Variants in DYTN observed in about 807,000 individuals in gnomAD.
The protein encoded by DYTN is dystrotelin.
A neutral mutation model predicts 69.6 loss-of-function variants in DYTN; 75 were observed. The observed-to-expected ratio is 1.08, with a 90% CI of 0.89 to 1.31. DYTN has a LOEUF of 1.31. DYTN is among the 50% of genes most tolerant of loss of function. The probability of loss-of-function intolerance (pLI) is 0.00; values close to 1 mark genes in which losing one functional copy is unlikely to be tolerated. For synonymous variants in DYTN, 252 were observed against 249.1 expected, an observed-to-expected ratio of 1.01 and a Z score of -0.11; for missense variants, 726 against 688.4, an observed-to-expected ratio of 1.05 and a Z score of -0.61.
chr2:206,694,842 C>A lies in DYTN; in HGVS notation c.755G>T (p.Cys252Phe), dbSNP rs770233978. The A allele has an allele frequency of 3.7e-6, 6 of 1,607,766 alleles. No homozygotes were observed. The highest frequency in any genetic ancestry group is 4.2e-6 in the Non-Finnish European group (5 of 1,178,048). ...RCLKCLNFDI[C>F]QMCFLSGLHS... ...AAGACCAGATAAGAAACACATCTGG[C>A]AGATGTCAAAGTTGAGACACTTCAG... Residue 252 changes from cysteine to phenylalanine, a missense_variant, in exon 8 of 12, where the codon TGC (cysteine) becomes TTC (phenylalanine). Transcript: ENST00000452335.
chr2:206,686,091 T>C (rs1337549996), intron 9 of DYTN, among the ~76,000 whole-genome samples: 1 of 152,122 alleles, frequency 6.6e-6, no homozygotes, highest in Non-Finnish European at 1.5e-5. Context: ...CACAGACCCT[T>C]TGCTGTGGGG....
chr2:206,662,759 G>C, intron 11 of DYTN, 144 bp downstream of exon 11: 1 of 1,282,024 alleles, frequency 7.8e-7, no homozygotes, highest in Non-Finnish European at 1.1e-6. Flanking sequence ...ATCAAGTTCA[G>C]AGATGCTACT....
chr2:206,674,628 G>A (rs1473690120), intron 9 of DYTN, among the ~76,000 whole-genome samples: 1 of 152,074 alleles, frequency 6.6e-6, no homozygotes, highest in Non-Finnish European at 1.5e-5. Context: ...ATAAGATGGA[G>A]TGGGGAGATA....
intron 9 of DYTN, among the ~76,000 whole-genome samples, chr2:206,681,048 T>C (rs888314044): frequency 6.6e-6 from 1 of 152,216 alleles, no homozygotes; most frequent in African/African-American, 2.4e-5. Flanking sequence ...TCTTATTTCC[T>C]TGAGCAGTGG....
chr2:206,690,730 C>A (rs1455788683), intron 9 of DYTN, among the ~76,000 whole-genome samples: 4 of 152,152 alleles, frequency 2.6e-5, no homozygotes, highest in African/African-American at 9.7e-5. Context: ...CTTGATGGAG[C>A]TTTTAGCCAA....
At chr2:206,666,621 G>A (rs1228341038) in intron 9 of DYTN, among the ~76,000 whole-genome samples, 1 of 152,026 alleles carries the variant, frequency 6.6e-6, no homozygotes, top group Non-Finnish European at 1.5e-5. Context: ...AGGAACACAG[G>A]GGAGGAAGAA....
intron 9 of DYTN, among the ~76,000 whole-genome samples, chr2:206,682,365 T>A (rs747568124): frequency 2.0e-5 from 3 of 152,106 alleles, no homozygotes; most frequent in Non-Finnish European, 4.4e-5. Context: ...GGGTAAAAGG[T>A]CAATTGTTAT....
At chr2:206,689,664 C>T (rs1699844926) in intron 9 of DYTN, among the ~76,000 whole-genome samples, 1 of 152,150 alleles carries the variant, frequency 6.6e-6, no homozygotes, top group Non-Finnish European at 1.5e-5. Flanking sequence ...GAAACTGAGT[C>T]CTAGAAAAGT....
intron 9 of DYTN, among the ~76,000 whole-genome samples, chr2:206,692,243 C>T (rs1482719204): frequency 2.0e-5 from 3 of 148,400 alleles, no homozygotes; most frequent in South Asian, 2.1e-4. Flanking sequence ...CCAACCTGGG[C>T]GACAGAGTGA....
chr2:206,671,459 C>G (rs371659498), intron 9 of DYTN, among the ~76,000 whole-genome samples: 1 of 152,316 alleles, frequency 6.6e-6, no homozygotes, highest in African/African-American at 2.4e-5. Flanking sequence ...TAAACAGCTT[C>G]CACGTGCATA....
chr2:206,667,954 C>T (rs188342939), intron 9 of DYTN, among the ~76,000 whole-genome samples: 1 of 152,226 alleles, frequency 6.6e-6, no homozygotes, highest in East Asian at 1.9e-4. Flanking sequence ...TTAGTTTGGG[C>T]TCCCATGCAA....
At chr2:206,693,395 G>GGAC (rs1478880510) in intron 8 of DYTN, 72 bp from the exon 9 acceptor site, 3 of 1,517,760 alleles carry the variant, frequency 2.0e-6, no homozygotes, top group Admixed American at 2.1e-5. Context: ...TTACTTGGAT[G>GGAC]GACTGGCCAC....
intron 11 of DYTN, among the ~76,000 whole-genome samples, chr2:206,659,760 T>A (rs1011907190): frequency 6.6e-6 from 1 of 152,106 alleles, no homozygotes; most frequent in Non-Finnish European, 1.5e-5. Flanking sequence ...GAAAATAGGA[T>A]CATATTCAAT....
intron 5 of DYTN, among the ~76,000 whole-genome samples, chr2:206,703,945 C>T (rs956969545): frequency 2.0e-5 from 3 of 152,174 alleles, no homozygotes; most frequent in Non-Finnish European, 2.9e-5. Context: ...GAACTTCTTG[C>T]TTGGTTACAT....
rs534558800 is a variant in DYTN, at chr2:206,663,253, T to TCC, written c.1281_1282dup (p.Glu428GlyfsTer61). ...AACCTCATCAAGCTTAGGAAGAGGTTCCCCTGTTGAAGCATCTTCAGTGGC... is the reference window on the plus strand; with the variant it reads ...AACCTCATCAAGCTTAGGAAGAGGTTCCCCCCTGTTGAAGCATCTTCAGTGGC... On this transcript the variant is annotated frameshift_variant, in exon 11 of 12. Coordinates refer to ENST00000452335, the MANE Select transcript of DYTN (RefSeq NM_001093730.1). LOFTEE classifies it high-confidence loss of function. 5,445 of 1,613,976 alleles carry TCC rather than the reference T, an allele frequency of 3.4e-3. 35 individuals carry two copies. Among genetic ancestry groups the TCC allele is most frequent in the South Asian group, 0.018 (1,642 of 91,078 alleles).
At chr2:206,685,622 G>T (rs1196825018) in intron 9 of DYTN, among the ~76,000 whole-genome samples, 1 of 152,068 alleles carries the variant, frequency 6.6e-6, no homozygotes, top group Admixed American at 6.6e-5. Context: ...GATAAAACAG[G>T]TCCCTCAGGT....
intron 9 of DYTN, among the ~76,000 whole-genome samples, chr2:206,681,404 T>C (rs1254035066): frequency 6.6e-6 from 1 of 152,168 alleles, no homozygotes; most frequent in South Asian, 2.1e-4. Flanking sequence ...GAACTTCTAA[T>C]ACTATGTTGA....
chr2:206,685,247 G>A (rs1447595156), intron 9 of DYTN, among the ~76,000 whole-genome samples: 2 of 151,814 alleles, frequency 1.3e-5, no homozygotes, highest in South Asian at 2.1e-4. Flanking sequence ...CTGTAGCCTC[G>A]ACCTACCAGG....
At chr2:206,702,334 C>A (rs971599389) in intron 5 of DYTN, among the ~76,000 whole-genome samples, 46 of 152,262 alleles carry the variant, frequency 3.0e-4, no homozygotes, top group African/African-American at 1.0e-3. Flanking sequence ...GCATTGCCTG[C>A]AAGCTCAGAA....
Sources: gnomAD v4.1 joint callset for allele counts (sites outside exome capture counted in the v4.1 genomes callset) on GRCh38, gnomAD v4.1.1 for gene constraint, MANE v1.5 for transcripts, NCBI Gene and HGNC (gene_info 2026-07-23, HGNC 2026-07-21) for gene names.